The following GABRQ variants were observed in gnomAD, a reference collection of about 807,000 sequenced individuals.
GABRQ encodes gamma-aminobutyric acid type A receptor subunit theta.
In GABRQ, 19 loss-of-function variants were observed where a neutral mutation model predicts 30.5. The ratio of observed to expected loss-of-function variants is 0.62; its 90% CI spans 0.43 to 0.91. The LOEUF (loss-of-function observed/expected upper bound fraction) is 0.91, where lower values mean the gene tolerates loss of function less well. Ranked by LOEUF, GABRQ falls within the 40% of genes least tolerant of loss-of-function variation. The pLI is 0.00. For missense variants in GABRQ, 520 were observed against 521.4 expected (o/e 1.00, Z 0.03); for synonymous variants, 187 against 210.2 (o/e 0.89, Z 0.95).
Position 152,657,339 on chromosome X carries a change from A to T in GABRQ, c.*4058A>T, listed in dbSNP as rs1931169685. On this transcript the variant is annotated 3_prime_UTR_variant, in exon 9 of 9. Transcript: ENST00000598523. ...CGACCTGACCCAAAAAGGGGCACAA[A>T]GCAGCAGAGCTTCACCAGGTGACTG... The T allele has an allele frequency of 8.9e-6, 1 of 111,920 alleles. No homozygotes were observed. Among genetic ancestry groups the T allele is most frequent in the South Asian group, 3.8e-4 (1 of 2,643 alleles). 9.2% of individuals were successfully genotyped at this position (111,920 alleles called of 1,213,427 possible). A position where few individuals can be genotyped will look rare whatever the true frequency, so the allele number is the denominator to read the frequency against.
intron 2 of GABRQ, among the ~76,000 whole-genome samples, chrX:152,644,043 G>A (rs972686425): frequency 4.7e-4 from 52 of 110,506 alleles, no homozygotes; most frequent in African/African-American, 1.6e-3. Flanking sequence ...ATGCTCACAC[G>A]TGCAAACATG....
intron 3 of GABRQ, 139 bp from the exon 4 acceptor site, chrX:152,646,809 G>A (rs1477288558): frequency 6.6e-6 from 3 of 453,200 alleles, no homozygotes; most frequent in South Asian, 3.7e-5. Context: ...TATGTTTCAC[G>A]CACTTGTATA....
Position 152,652,640 on chromosome X carries a change from A to C in GABRQ, c.1258A>C (p.Thr420Pro). The C allele has an allele frequency of 8.3e-7, 1 of 1,210,943 alleles. No homozygotes were observed. Among genetic ancestry groups the C allele is most frequent in the Non-Finnish European group, 1.1e-6 (1 of 895,116 alleles). ...SPESLGSLTSTSEQAQLATSE... is the reference protein window; with the variant it reads ...SPESLGSLTSPSEQAQLATSE... ...GGAAAGCCTCGGTTCTTTGACGTCC[A>C]CCTCCGAGCAGGCCCAGCTGGCCAC... The change falls in exon 9 of 9, where the codon ACC becomes CCC. Residue 420 changes from threonine to proline, a missense_variant. Transcript: ENST00000598523.
chrX:152,638,268 G>T lies in GABRQ; in HGVS notation c.66G>T (p.Glu22Asp). 1 of 1,209,777 alleles carries T rather than the reference G, an allele frequency of 8.3e-7. No individual in the cohort carries two copies. The highest frequency in any genetic ancestry group is 1.1e-6 in the Non-Finnish European group (1 of 893,192). ...ILLLIRTWLA[E>D]GNYPSPIPKF... The stretch of plus-strand genomic sequence containing the variant: ...TGCTCATCAGGACCTGGCTCGCGGA[G>T]GGCAACTACCCCAGTCCCATCCCGA... Residue 22 changes from glutamate to aspartate, a missense_variant, in exon 1 of 9, where the codon GAG (glutamate) becomes GAT (aspartate). Physicochemically the swap from Glu to Asp is conservative, Grantham distance 45 (BLOSUM62 2). Coordinates refer to ENST00000598523, the MANE Select transcript of GABRQ (RefSeq NM_018558.4).
chrX:152,657,875 G>A (rs1360907336), downstream of GABRQ, among the ~76,000 whole-genome samples: 9 of 112,610 alleles, frequency 8.0e-5, no homozygotes, highest in South Asian at 1.8e-3. Flanking sequence ...ACTTGAGCCC[G>A]CAAGTCAAGG....
chrX:152,645,387 C>T (rs1930863544), intron 2 of GABRQ, 140 bp from the exon 3 acceptor site: 1 of 447,577 alleles, frequency 2.2e-6, no homozygotes, highest in Admixed American at 3.1e-5. Context: ...GATTAAGACT[C>T]AGCAGGGTTA....
rs782330781 is a variant in GABRQ at position 152,654,641 on chromosome X, G to A, written c.*1360G>A. The A allele has an allele frequency of 1.4e-5, 1 of 72,826 alleles. No homozygotes were observed. The highest frequency in any genetic ancestry group is 6.1e-4 in the East Asian group (1 of 1,647). 6.0% of individuals were successfully genotyped at this position (72,826 alleles called of 1,213,427 possible). ...CCAATGAGCGTGACGTGAGCAGATG[G>A]AGAACACACTCTGCCCACTGAGCAG... On this transcript the variant is annotated 3_prime_UTR_variant, in exon 9 of 9. Transcript: ENST00000598523.
Position 152,647,304 on chromosome X carries a change from T to C in GABRQ, c.527+136T>C, listed in dbSNP as rs1356596716. The C allele has an allele frequency of 2.1e-5, 10 of 473,022 alleles. No individual in the cohort carries two copies. In the African/African-American group the frequency reaches 2.4e-4, roughly 11 times the overall value. The allele number at this position is 473,022 out of a possible 1,213,427, so 39.0% of individuals were successfully genotyped here. A position where few individuals can be genotyped will look rare whatever the true frequency, so the allele number is the denominator to read the frequency against. ...CGTCTTGAACTTCCCCCTTCACTCG[T>C]TCTACCCAGTAGCCAAAGTGGAAAT... On this transcript the variant is annotated intron_variant, in intron 4 of 8. Transcript: ENST00000598523.
At position 152,652,735 on chromosome X, in the gene GABRQ, C is replaced by T. The variant is rs372512790; in HGVS notation, c.1353C>T (p.Ser451=). The change falls in exon 9 of 9, where the codon AGC becomes AGT. Residue 451 remains serine, a synonymous_variant. Coordinates refer to ENST00000598523, the MANE Select transcript of GABRQ (RefSeq NM_018558.4). ...CCCTGGCCACTGGAGAAAGCCTGAGCGATCTCCCCTCCACCTCAGAGCAGG... is the reference window on the plus strand; with the variant it reads ...CCCTGGCCACTGGAGAAAGCCTGAGTGATCTCCCCTCCACCTCAGAGCAGG... ...QAPLATGESL[S]DLPSTSEQAR... is the part of the protein sequence containing the mutation. The T allele has an allele frequency of 4.1e-6, 5 of 1,210,824 alleles. No homozygotes were observed. The highest frequency in any genetic ancestry group is 1.8e-5 in the South Asian group (1 of 56,969).
rs1556820534 is a variant in GABRQ at position 152,652,872 on chromosome X, A to G, written c.1490A>G (p.His497Arg). 4.1e-6 allele frequency: 5 copies of G among 1,211,755 alleles called. No homozygotes were observed. The highest frequency in any genetic ancestry group is 2.2e-5 in the Admixed American group (1 of 46,157). The change falls in exon 9 of 9, where the codon CAT (histidine) becomes CGT (arginine). Residue 497 changes from histidine (H) to arginine (R), a missense_variant. Transcript: ENST00000598523. ...EAHGHGVTHD[H>R]EDSNESLSSD... ...CATGGCCATGGTGTTACCCATGACC[A>G]TGAAGATTCCAATGAGAGCTTGAGC...
intron 3 of GABRQ, 28 bp downstream of exon 3, chrX:152,645,622 T>A (rs1556819104): frequency 1.1e-6 from 1 of 890,338 alleles, no homozygotes; most frequent in Admixed American, 2.2e-5. Context: ...AGCCATGGGG[T>A]TGGGAACAGA....
In GABRQ at chrX:152,650,430, T is replaced by C. The variant is rs1930991690; in HGVS notation, c.751T>C (p.Ser251Pro). The C allele has an allele frequency of 8.3e-7, 1 of 1,206,033 alleles. No individual in the cohort carries two copies. Among genetic ancestry groups the C allele is most frequent in the Non-Finnish European group, 1.1e-6 (1 of 892,621 alleles). ...TSKEVYFYTG[S>P]YIRLILKFQV... is the part of the protein sequence containing the mutation. ...ATTCCAGTGTGTCTCCTTGCCAGGT[T>C]CCTACATACGCCTGATACTGAAGTT... Residue 251 changes from serine (S) to proline (P), a missense_variant and splice_region_variant, in exon 7 of 9, where the codon TCC (serine) becomes CCC (proline). By Grantham distance (74) the Ser-to-Pro change is moderately conservative. Coordinates refer to ENST00000598523, the MANE Select transcript of GABRQ (RefSeq NM_018558.4).
chrX:152,643,457 A>T (rs1270377998), intron 2 of GABRQ, among the ~76,000 whole-genome samples: 1 of 112,536 alleles, frequency 8.9e-6, no homozygotes, highest in African/African-American at 3.2e-5. Context: ...GGCGTCATGC[A>T]TGTTTCCCTA....
At chrX:152,648,013 A>G (rs1442421735) in intron 4 of GABRQ, among the ~76,000 whole-genome samples, 7 of 112,151 alleles carry the variant, frequency 6.2e-5, no homozygotes, top group African/African-American at 2.3e-4. Flanking sequence ...TGAAATCGGG[A>G]AATAACAAGA....
At chrX:152,646,357 G>A (rs1230071899) in intron 3 of GABRQ, among the ~76,000 whole-genome samples, 1 of 112,077 alleles carries the variant, frequency 8.9e-6, no homozygotes, top group Non-Finnish European at 1.9e-5. Flanking sequence ...GATATAAAGT[G>A]GAACTTCTAC....
rs1556819068 is a variant in GABRQ at position 152,645,495 on chromosome X, C to CT, written c.239-29dup. 4 of 919,160 alleles carry CT rather than the reference C, an allele frequency of 4.4e-6. No homozygotes were observed. The Admixed American group carries it at 8.8e-5, about 20-fold the overall frequency. 75.7% of individuals were successfully genotyped at this position (919,160 alleles called of 1,213,427 possible). ...TTTATGCTCTTAACCTTTATTCTAC[C>CT]TTTCGTGTAACTGTGTCTTTCTGTC... On this transcript the variant is annotated intron_variant, in intron 2 of 8. Transcript: ENST00000598523.
intron 1 of GABRQ, among the ~76,000 whole-genome samples, chrX:152,639,602 A>T (rs1434963917): frequency 9.0e-6 from 1 of 111,427 alleles, no homozygotes; most frequent in East Asian, 2.8e-4. Context: ...GAGTCCACTT[A>T]CCTATGCTCA....
chrX:152,651,980 A>G (rs1931035430), intron 8 of GABRQ, among the ~76,000 whole-genome samples, 198 bp downstream of exon 8: 1 of 113,231 alleles, frequency 8.8e-6, no homozygotes, highest in Non-Finnish European at 1.9e-5. Flanking sequence ...ATCATTGTCC[A>G]AGGTCACAAG....
At chrX:152,639,856 C>T (rs183277207) in intron 1 of GABRQ, among the ~76,000 whole-genome samples, 2 of 111,734 alleles carry the variant, frequency 1.8e-5, no homozygotes, top group East Asian at 5.7e-4. Flanking sequence ...ATGCCCAGCC[C>T]TAGCCCAGGT....
Sources: gnomAD v4.1 joint callset for allele counts (sites outside exome capture counted in the v4.1 genomes callset) on GRCh38, gnomAD v4.1.1 for gene constraint, MANE v1.5 for transcripts, NCBI Gene and HGNC (gene_info 2026-07-23, HGNC 2026-07-21) for gene names.